RUNX3: variants seen among roughly 807,000 people sequenced by gnomAD.
RUNX3 encodes the protein RUNX family transcription factor 3, also known as runt-related transcription factor 3.
In RUNX3, 10 loss-of-function variants were observed where a neutral mutation model predicts 27.7. The ratio of observed to expected loss-of-function variants is 0.36; its 90% confidence interval spans 0.22 to 0.61. The LOEUF is 0.61. Among genes scored for constraint, RUNX3 ranks in the 20% least tolerant of loss-of-function variants. The probability of loss-of-function intolerance (pLI) is 0.72; values close to 1 mark genes in which losing one functional copy is unlikely to be tolerated. For missense variants in RUNX3, 469 were observed against 629.5 expected (o/e 0.75, Z 2.73); for synonymous variants, 270 against 269.2 (o/e 1.00, Z -0.03).
chr1:24,953,815 C>G (rs1319353005), intron 2 of RUNX3, among the ~76,000 whole-genome samples: 2 of 152,216 alleles, frequency 1.3e-5, no homozygotes, highest in Non-Finnish European at 2.9e-5. Flanking sequence ...TATAATCCAA[C>G]TATTCCGAAA....
At chr1:24,953,402 GA>G (rs553316885) in intron 2 of RUNX3, among the ~76,000 whole-genome samples, 4,292 of 70,416 alleles carry the variant, frequency 0.061, 68 homozygotes, top group Middle Eastern at 0.091. Context: ...AAAGAAAAAT[GA>G]AAAAAAAAAA....
intron 2 of RUNX3, among the ~76,000 whole-genome samples, chr1:24,939,196 T>C (rs917748051): frequency 6.6e-6 from 1 of 151,894 alleles, no homozygotes; most frequent in Admixed American, 6.6e-5. Flanking sequence ...GCACGCAGAG[T>C]GCACACACAC....
Position 24,927,486 on chromosome 1 carries a change from C to A in RUNX3, c.439+88G>T. 1.5e-6 allele frequency: 2 copies of A among 1,322,108 alleles called. No homozygotes were observed. The highest frequency in any genetic ancestry group is 2.2e-6 in the Non-Finnish European group (2 of 927,494). The allele number at this position is 1,322,108 out of a possible 1,614,324, so 81.9% of individuals were successfully genotyped here. ...GAGCTGCATCTGGAGACCTGTTTTT[C>A]GGGATTCTAAGGCCCCTCTTTCAAC... On this transcript the variant is annotated intron_variant, in intron 2 of 4. Coordinates refer to ENST00000308873, the MANE Select transcript of RUNX3 (RefSeq NM_004350.3). The surrounding 1 kb of genome is among the most constrained non-coding windows in gnomAD (Gnocchi z 5.0).
intron 2 of RUNX3, among the ~76,000 whole-genome samples, chr1:24,951,062 C>T (rs529652601): frequency 2.6e-5 from 4 of 152,012 alleles, no homozygotes; most frequent in East Asian, 1.9e-4. Context: ...AAAAATTAGC[C>T]GGTTGTGGTG....
chr1:24,964,590 C>G (rs376833515), exon 2 of RUNX3: 2 of 1,604,006 alleles, frequency 1.2e-6, no homozygotes, highest in African/African-American at 1.3e-5. Flanking sequence ...CTGAAGAAGG[C>G]GAGAATTTTC....
chr1:24,908,222 CTG>C (rs1427915542), intron 3 of RUNX3, among the ~76,000 whole-genome samples: 2 of 148,206 alleles, frequency 1.3e-5, no homozygotes, highest in Non-Finnish European at 3.0e-5. Flanking sequence ...ACGCGGTGAT[CTG>C]AACCTCTATG....
chr1:24,927,563 C>G lies in RUNX3; in HGVS notation c.439+11G>C, dbSNP rs766202378. The G allele has an allele frequency of 1.9e-6, 3 of 1,613,816 alleles. No homozygotes were observed. Among genetic ancestry groups the G allele is most frequent in the Non-Finnish European group, 2.5e-6 (3 of 1,179,902 alleles). ...CCAATGCTGAAATGGCGAGGCCTCCCTTCCACTTACCTCGCCCACTGCGGC... is the reference window on the plus strand; with the variant it reads ...CCAATGCTGAAATGGCGAGGCCTCCGTTCCACTTACCTCGCCCACTGCGGC... On this transcript the variant is annotated intron_variant, in intron 2 of 4. Transcript: ENST00000308873. The surrounding 1 kb of genome is among the most constrained non-coding windows in gnomAD (Gnocchi z 5.0).
intron 3 of RUNX3, among the ~76,000 whole-genome samples, 193 bp from the exon 4 acceptor site, chr1:24,907,610 C>T (rs1640692474): frequency 6.6e-6 from 1 of 152,164 alleles, no homozygotes; most frequent in South Asian, 2.1e-4. Flanking sequence ...CGTTATGTGC[C>T]ACCCCACATA....
chr1:24,926,794 A>T (rs1478774439), intron 2 of RUNX3, among the ~76,000 whole-genome samples: 1 of 152,148 alleles, frequency 6.6e-6, no homozygotes, highest in Non-Finnish European at 1.5e-5. Flanking sequence ...CACTTCTCGT[A>T]GGCAGGCTGG....
chr1:24,942,908 G>A (rs1641513187), intron 2 of RUNX3, among the ~76,000 whole-genome samples: 1 of 152,274 alleles, frequency 6.6e-6, no homozygotes, highest in African/African-American at 2.4e-5. Context: ...CCCCAGTCCA[G>A]GCAGGCTGCA....
intron 1 of RUNX3, 32 bp downstream of exon 1, chr1:24,929,555 C>G: frequency 1.3e-6 from 2 of 1,539,598 alleles, no homozygotes; most frequent in Non-Finnish European, 1.7e-6. Flanking sequence ...GCCCCAGGGC[C>G]GGCGCCCTCC....
At chr1:24,959,730 C>A (rs1642053364) in intron 2 of RUNX3, among the ~76,000 whole-genome samples, 1 of 152,180 alleles carries the variant, frequency 6.6e-6, no homozygotes, top group South Asian at 2.1e-4. Flanking sequence ...CCATCTCGGC[C>A]AGACCTGCCC....
chr1:24,929,682 C>T lies in RUNX3; in HGVS notation c.187G>A (p.Ala63Thr), dbSNP rs770526185. 1.9e-5 allele frequency: 30 copies of T among 1,586,018 alleles called. No homozygotes were observed. Among genetic ancestry groups the T allele is most frequent in the Non-Finnish European group, 2.4e-5 (28 of 1,172,186 alleles). ...RSMVDVLADH[A>T]GELVRTDSPN... ...CTGTCGGTGCGCACGAGCTCGCCTG[C>T]GTGGTCCGCCAGCACGTCCACCATC... Residue 63 changes from alanine to threonine, a missense_variant, in exon 1 of 5, where the codon GCA becomes ACA. Coordinates refer to ENST00000308873, the MANE Select transcript of RUNX3 (RefSeq NM_004350.3).
chr1:24,955,764 G>C (rs988647116), intron 2 of RUNX3, among the ~76,000 whole-genome samples: 1 of 152,336 alleles, frequency 6.6e-6, no homozygotes, highest in Non-Finnish European at 1.5e-5. Flanking sequence ...AAACACTGGG[G>C]GGGAGGGTGG....
chr1:24,958,562 C>T (rs1232705271), intron 2 of RUNX3, among the ~76,000 whole-genome samples: 3 of 152,168 alleles, frequency 2.0e-5, no homozygotes, highest in Non-Finnish European at 2.9e-5. Flanking sequence ...GCCCTAGGCC[C>T]GAGATTCCCA....
upstream of RUNX3, among the ~76,000 whole-genome samples, chr1:24,932,085 T>C (rs1383750590): frequency 6.6e-6 from 1 of 152,174 alleles, no homozygotes. Context: ...TGCGGGACCA[T>C]GACCCGCTGT....
rs1640521687 is a variant in RUNX3, at chr1:24,900,706, A to T, written c.*1416T>A. 1 of 152,440 alleles carries T rather than the reference A, an allele frequency of 6.6e-6. No individual in the cohort carries two copies. The highest frequency in any genetic ancestry group is 1.5e-5 in the Non-Finnish European group (1 of 68,160). 9.4% of individuals were successfully genotyped at this position (152,440 alleles called of 1,614,324 possible). ...CACCTCCGCCCAGCCTCCTGGACAG[A>T]TGTCCTAGAGCCACAGAGGAGAGAT... On this transcript the variant is annotated 3_prime_UTR_variant, in exon 5 of 5. Transcript: ENST00000308873.
Position 24,907,369 on chromosome 1 carries a change from A to G in RUNX3, c.593T>C (p.Phe198Ser). 1.2e-6 allele frequency: 2 copies of G among 1,613,918 alleles called. No individual in the cohort carries two copies. The highest frequency in any genetic ancestry group is 2.2e-5 in the East Asian group (1 of 44,866). ...CATGCGCAGCCGTTCCAGGTCCCCA[A>G]AGCGGTCAGGGAACGGCTTGGTCTG... ...EDQTKPFPDR[F>S]GDLERLRMRV... Residue 198 changes from phenylalanine to serine, a missense_variant, in exon 4 of 5, where the codon TTT becomes TCT. Transcript: ENST00000308873.
At chr1:24,914,833 C>T (rs1334526730) in intron 3 of RUNX3, among the ~76,000 whole-genome samples, 1 of 152,022 alleles carries the variant, frequency 6.6e-6, no homozygotes, top group Non-Finnish European at 1.5e-5. Context: ...CTGCCCACGC[C>T]AAACCCTCGG....
Sources: allele counts gnomAD v4.1 joint callset (sites outside exome capture counted in the v4.1 genomes callset), GRCh38; gene constraint gnomAD v4.1.1; non-coding constraint Gnocchi (gnomAD v3.1); transcripts MANE v1.5; gene names NCBI Gene and HGNC (gene_info 2026-07-23, HGNC 2026-07-21).